The following TTLL7 variants were observed in gnomAD, a reference collection of about 807,000 sequenced individuals.
The protein encoded by TTLL7 is tubulin polyglutamylase TTLL7.
TTLL7 carries 53 observed loss-of-function variants against 120.2 expected under a neutral mutation model. The ratio of observed to expected loss-of-function variants is 0.44; its 90% CI spans 0.35 to 0.55. TTLL7 has a LOEUF of 0.55. Among genes scored for constraint, TTLL7 ranks in the 20% least tolerant of loss-of-function variants. The probability of loss-of-function intolerance (pLI) is 0.00; values close to 1 mark genes in which losing one functional copy is unlikely to be tolerated. For missense variants in TTLL7, 803 were observed against 1,054.7 expected (o/e 0.76, Z 3.31); for synonymous variants, 353 against 351.7 (o/e 1.00, Z -0.04).
intron 1 of TTLL7, among the ~76,000 whole-genome samples, chr1:83,953,219 T>C (rs911728905): frequency 6.6e-6 from 1 of 152,346 alleles, no homozygotes; most frequent in African/African-American, 2.4e-5. Flanking sequence ...TGTAAATATA[T>C]GAACGTAGGC....
intron 19 of TTLL7, among the ~76,000 whole-genome samples, chr1:83,885,413 G>A (rs1654891346): frequency 6.6e-6 from 1 of 151,880 alleles, no homozygotes; most frequent in Non-Finnish European, 1.5e-5. Flanking sequence ...AAAGTTAAAA[G>A]GGCTTCTTCT....
Position 83,922,786 on chromosome 1 carries a change from T to TTTGTA in TTLL7, c.1143-1393_1143-1392insTACAA, listed in dbSNP as rs1658793900. ...TAATTATATTTGTATATGTTAAAGA[T>TTTGTA]TATGCTCTTGGCAGTATATACAGTG... On this transcript the variant is annotated intron_variant, in intron 10 of 20. Coordinates refer to ENST00000260505, the MANE Select transcript of TTLL7 (RefSeq NM_024686.6). 1.3e-5 allele frequency among the ~76,000 whole-genome samples: 2 copies of TTTGTA among 150,716 alleles called. 1 individual carries two copies. The highest frequency in any genetic ancestry group is 3.0e-5 in the Non-Finnish European group (2 of 67,724).
At chr1:83,938,333 T>C (rs113788316) in intron 7 of TTLL7, among the ~76,000 whole-genome samples, 5 of 152,310 alleles carry the variant, frequency 3.3e-5, no homozygotes, top group African/African-American at 1.2e-4. Context: ...AGAAAAATGA[T>C]CTGAGTTTGT....
intron 1 of TTLL7, among the ~76,000 whole-genome samples, chr1:83,998,527 T>C (rs1167159337): frequency 2.6e-5 from 4 of 152,244 alleles, no homozygotes; most frequent in African/African-American, 9.6e-5. Flanking sequence ...TTTGATACCC[T>C]TTCAAGAATG....
chr1:83,946,242 G>A (rs959675376), intron 6 of TTLL7: 8 of 152,100 alleles, frequency 5.3e-5, no homozygotes, highest in African/African-American at 1.7e-4. Context: ...TAGTAGAGAC[G>A]GGGCTTCACT....
chr1:83,895,266 T>C (rs547221713), intron 18 of TTLL7, among the ~76,000 whole-genome samples: 1 of 152,204 alleles, frequency 6.6e-6, no homozygotes, highest in South Asian at 2.1e-4. Context: ...ACAAGGTCTA[T>C]CATTTAGTAG....
intron 20 of TTLL7, 126 bp downstream of exon 20, chr1:83,882,837 T>C: frequency 9.5e-7 from 1 of 1,047,372 alleles, no homozygotes; most frequent in East Asian, 2.4e-5. Flanking sequence ...GATAATAGCA[T>C]GTATGAACTT....
intron 3 of TTLL7, among the ~76,000 whole-genome samples, chr1:83,951,289 C>A (rs1254717061): frequency 6.6e-6 from 1 of 151,432 alleles, no homozygotes; most frequent in Non-Finnish European, 1.5e-5. Flanking sequence ...ACGGAGCTTG[C>A]AGTGAGCCGA....
At chr1:83,932,815 T>C (rs1659714241) in intron 9 of TTLL7, among the ~76,000 whole-genome samples, 1 of 152,104 alleles carries the variant, frequency 6.6e-6, no homozygotes, top group African/African-American at 2.4e-5. Context: ...CAAAACATGA[T>C]ATTTAAGCGG....
chr1:83,904,435 G>A (rs1443539409), intron 17 of TTLL7, among the ~76,000 whole-genome samples: 1 of 152,054 alleles, frequency 6.6e-6, no homozygotes, highest in East Asian at 1.9e-4. Context: ...AGGAGTTCAA[G>A]ACCAGCCTGG....
In TTLL7 at chr1:83,929,156, C is replaced by A; in HGVS notation, c.1122G>T (p.Ala374=). 6.2e-7 allele frequency: 1 copy of A among 1,610,992 alleles called. No individual in the cohort carries two copies. Among genetic ancestry groups the A allele is most frequent in the Non-Finnish European group, 8.5e-7 (1 of 1,178,082 alleles). The change falls in exon 10 of 21, where the codon GCG becomes GCT. Residue 374 remains alanine, a synonymous_variant. Transcript: ENST00000260505. ...YDVKRGVLLN[A]LKLLNIRTSD... is the part of the protein sequence containing the mutation. ...TTTACCTTATGTTTAGTAGCTTCAA[C>A]GCATTTAGCAGCACTCCCCTTTTTA...
At position 83,866,252 on chromosome 1, in the gene TTLL7, T is replaced by A. The variant is rs1652907883; in HGVS notation, c.*3710A>T. On this transcript the variant is annotated 3_prime_UTR_variant, in exon 21 of 21. Coordinates refer to ENST00000260505, the MANE Select transcript of TTLL7 (RefSeq NM_024686.6). ...TCAAATAATGGCATTTCTGCAGCTATCAATTTTTTGATACTTTTGAAAAAG... is the reference window on the plus strand; with the variant it reads ...TCAAATAATGGCATTTCTGCAGCTAACAATTTTTTGATACTTTTGAAAAAG... The A allele has an allele frequency of 6.6e-6, 1 of 151,842 alleles. No individual in the cohort carries two copies. Among genetic ancestry groups the A allele is most frequent in the African/African-American group, 2.4e-5 (1 of 41,440 alleles). The allele number at this position is 151,842 out of a possible 1,614,324, so 9.4% of individuals were successfully genotyped here. A position where few individuals can be genotyped will look rare whatever the true frequency, so the allele number is the denominator to read the frequency against.
At chr1:83,916,179 G>A (rs934558967) in intron 14 of TTLL7, among the ~76,000 whole-genome samples, 5 of 152,152 alleles carry the variant, frequency 3.3e-5, no homozygotes. Context: ...CTGCTATAAA[G>A]ACACATGCAC....
chr1:83,882,758 A>T, intron 20 of TTLL7: 1 of 480,094 alleles, frequency 2.1e-6, no homozygotes, highest in Non-Finnish European at 3.6e-6. Context: ...TATCACCTTT[A>T]GGTTCGTGAT....
In TTLL7 at chr1:83,887,304, C is replaced by T. The variant is rs763821602; in HGVS notation, c.2369+3017G>A. On this transcript the variant is annotated intron_variant, in intron 19 of 20. Coordinates refer to ENST00000260505, the MANE Select transcript of TTLL7 (RefSeq NM_024686.6). The stretch of plus-strand genomic sequence containing the variant: ...ACGTAACTGTGAAAGAAAGTTGAAC[C>T]TTATATTAAAATCATTCCTTAAAAA... The T allele has an allele frequency of 3.0e-5, 30 of 1,008,910 alleles. 1 individual carries two copies. In the South Asian group the frequency reaches 3.8e-4, roughly 13 times the overall value. 62.5% of individuals were successfully genotyped at this position (1,008,910 alleles called of 1,614,324 possible). A position where few individuals can be genotyped will look rare whatever the true frequency, so the allele number is the denominator to read the frequency against.
chr1:83,884,433 T>A (rs1032388417), intron 19 of TTLL7, among the ~76,000 whole-genome samples: 4 of 151,884 alleles, frequency 2.6e-5, no homozygotes, highest in Non-Finnish European at 5.9e-5. Flanking sequence ...GAAATAGAAA[T>A]GTATTTTTTC....
At chr1:83,931,428 T>C (rs905809889) in intron 9 of TTLL7, among the ~76,000 whole-genome samples, 4 of 151,966 alleles carry the variant, frequency 2.6e-5, no homozygotes, top group African/African-American at 7.3e-5. Flanking sequence ...CAACCTTCTG[T>C]AGCCCTACAA....
At chr1:83,923,433 G>GATGAT (rs1319622708) in intron 10 of TTLL7, among the ~76,000 whole-genome samples, 6 of 151,722 alleles carry the variant, frequency 4.0e-5, no homozygotes, top group African/African-American at 1.5e-4. Context: ...AGAAAGATGA[G>GATGAT]ATGATATGAT....
At position 83,956,978 on chromosome 1, in the gene TTLL7, A is replaced by G. The variant is rs145934224; in HGVS notation, c.-176-4591T>C. ...TATCAATATAATCATGTTGATAACC[A>G]AAATCATCAAACTGTGTTCTCCATT... On this transcript the variant is annotated intron_variant, in intron 1 of 20. Coordinates refer to ENST00000260505, the MANE Select transcript of TTLL7 (RefSeq NM_024686.6). Among the ~76,000 whole-genome samples the G allele has an allele frequency of 8.5e-5, 13 of 152,356 alleles. No homozygotes were observed. In the East Asian group the frequency reaches 2.3e-3, roughly 27 times the overall value.
Sources: allele counts gnomAD v4.1 joint callset (sites outside exome capture counted in the v4.1 genomes callset), GRCh38; gene constraint gnomAD v4.1.1; transcripts MANE v1.5; gene names NCBI Gene and HGNC (gene_info 2026-07-23, HGNC 2026-07-21).